TMEM53: variants seen among roughly 807,000 people sequenced by gnomAD.
TMEM53 encodes the protein novel DUF829 domain-containing protein.
In TMEM53, 14 loss-of-function variants were observed where a neutral mutation model predicts 21.4. The observed-to-expected ratio is 0.65, with a 90% CI of 0.43 to 1.02. The LOEUF (loss-of-function observed/expected upper bound fraction) is 1.02, where lower values mean the gene tolerates loss of function less well. Among genes scored for constraint, TMEM53 ranks in the 50% least tolerant of loss-of-function variants. The probability of loss-of-function intolerance (pLI) is 0.00; values close to 1 mark genes in which losing one functional copy is unlikely to be tolerated. For synonymous variants in TMEM53, 148 were observed against 157.4 expected (o/e 0.94, Z 0.45); for missense variants, 323 against 383.6 (o/e 0.84, Z 1.32).
chr1:44,667,523 G>C lies in TMEM53; in HGVS notation c.61+6808C>G, dbSNP rs1443569124. ...GGGTTTCACCATGTTGGCCAGGCTG[G>C]TCTCGAACTCCTGACTTCAGGTGAT... On this transcript the variant is annotated intron_variant, in intron 1 of 2. Transcript: ENST00000372237. 4.0e-5 allele frequency among the ~76,000 whole-genome samples: 6 copies of C among 151,590 alleles called. No individual in the cohort carries two copies. The East Asian group carries it at 1.2e-3, about 30-fold the overall frequency.
At chr1:44,656,485 C>T (rs1020534464) in intron 2 of TMEM53, among the ~76,000 whole-genome samples, 6 of 152,166 alleles carry the variant, frequency 3.9e-5, no homozygotes, top group African/African-American at 1.2e-4. Flanking sequence ...AGTGCCTAAG[C>T]ATCCCTCCCA....
chr1:44,673,104 C>T (rs1012029717), intron 1 of TMEM53, among the ~76,000 whole-genome samples: 1 of 152,254 alleles, frequency 6.6e-6, no homozygotes, highest in African/African-American at 2.4e-5. Context: ...GACTTCATGG[C>T]TTGCTGACGC....
intron 1 of TMEM53, among the ~76,000 whole-genome samples, chr1:44,664,408 C>T (rs1240103351): frequency 4.0e-5 from 6 of 149,892 alleles, no homozygotes; most frequent in African/African-American, 1.2e-4. Flanking sequence ...GCCGAGATCG[C>T]GCCATTGCAC....
At position 44,665,356 on chromosome 1, in the gene TMEM53, G is replaced by T. The variant is rs139245500; in HGVS notation, c.62-5061C>A. Among the ~76,000 whole-genome samples, 5 of 152,322 alleles carry T rather than the reference G, an allele frequency of 3.3e-5. No individual in the cohort carries two copies. In the East Asian group the frequency reaches 9.6e-4, roughly 29 times the overall value. On this transcript the variant is annotated intron_variant, in intron 1 of 2. Transcript: ENST00000372237. ...AAAGTCTCAAAAACATGCAATCTTT[G>T]CCGGGCGCAGTGGCACAAGCCTATA... is the stretch of plus-strand genomic sequence containing the variant.
At chr1:44,658,613 C>T (rs1471077163) in intron 2 of TMEM53, among the ~76,000 whole-genome samples, 1 of 152,068 alleles carries the variant, frequency 6.6e-6, no homozygotes, top group Admixed American at 6.6e-5. Flanking sequence ...TGCAGTGGTG[C>T]GACTTCGGCT....
At chr1:44,670,287 A>G (rs913430204) in intron 1 of TMEM53, among the ~76,000 whole-genome samples, 3 of 151,884 alleles carry the variant, frequency 2.0e-5, no homozygotes, top group African/African-American at 7.2e-5. Flanking sequence ...TCAGGTTTTC[A>G]TCTAATTCTC....
At chr1:44,667,932 C>A (rs1644963454) in intron 1 of TMEM53, among the ~76,000 whole-genome samples, 1 of 152,066 alleles carries the variant, frequency 6.6e-6, no homozygotes, top group South Asian at 2.1e-4. Context: ...AATTTCTCAA[C>A]AAATAACACT....
At chr1:44,669,240 C>A (rs1644977416) in intron 1 of TMEM53, among the ~76,000 whole-genome samples, 1 of 151,948 alleles carries the variant, frequency 6.6e-6, no homozygotes, top group Non-Finnish European at 1.5e-5. Flanking sequence ...AACATTTTTC[C>A]CTGTCAGTTT....
chr1:44,659,089 G>GTTT (rs1644875966), intron 2 of TMEM53, among the ~76,000 whole-genome samples: 1 of 152,188 alleles, frequency 6.6e-6, no homozygotes, highest in South Asian at 2.1e-4. Flanking sequence ...GAGGCTGTCT[G>GTTT]TAAAAAGCAA....
In TMEM53 at chr1:44,655,234, C is replaced by T. The variant is rs1211060837; in HGVS notation, c.184-25G>A. 8 of 1,566,508 alleles carry T rather than the reference C, an allele frequency of 5.1e-6. No homozygotes were observed. Among genetic ancestry groups the T allele is most frequent in the Non-Finnish European group, 6.9e-6 (8 of 1,155,906 alleles). On this transcript the variant is annotated intron_variant, in intron 2 of 2. Transcript: ENST00000372237. This position sits in a 1 kb window ranked among gnomAD's most constrained non-coding sequence, Gnocchi z 4.4. ...CCTGGGGAGAGAGGCCTGGTCAGTC[C>T]TCACAGATGAGGTGGGGGTAGTGGG...
intron 2 of TMEM53, among the ~76,000 whole-genome samples, chr1:44,658,836 G>A (rs1329281848): frequency 2.0e-5 from 3 of 152,154 alleles, no homozygotes; most frequent in Non-Finnish European, 4.4e-5. Context: ...ATAGACATGA[G>A]TCACTGCGCC....
intron 1 of TMEM53, chr1:44,674,040 G>A: frequency 1.0e-6 from 1 of 985,436 alleles, no homozygotes; most frequent in Non-Finnish European, 1.2e-6. Context: ...TATGAGAAGT[G>A]ATTAAAGGGC....
chr1:44,657,924 A>C (rs1415422627), intron 2 of TMEM53, among the ~76,000 whole-genome samples: 1 of 151,686 alleles, frequency 6.6e-6, no homozygotes, highest in Non-Finnish European at 1.5e-5. Context: ...TCCCTATTGG[A>C]AAGTCTTCCT....
chr1:44,662,236 G>T (rs1344122110), intron 1 of TMEM53, among the ~76,000 whole-genome samples: 2 of 152,204 alleles, frequency 1.3e-5, no homozygotes, highest in Non-Finnish European at 2.9e-5. Context: ...GCACCGGTGG[G>T]GGTCCCAGGC....
rs1011007611 is a variant in TMEM53 at position 44,659,215 on chromosome 1, C to T, written c.183+959G>A. ...ACACCTCAGTCAGGCGGGATGTGGA[C>T]GTGGGTGAGTGGAGGGATGCTGAGG... On this transcript the variant is annotated intron_variant, in intron 2 of 2. Transcript: ENST00000372237. Among the ~76,000 whole-genome samples the T allele has an allele frequency of 5.3e-5, 8 of 152,148 alleles. No individual in the cohort carries two copies. The South Asian group carries it at 8.3e-4, about 16-fold the overall frequency.
rs1247139278 is a variant in TMEM53, at chr1:44,653,689, C to T, written c.*870G>A. 1 of 152,290 alleles carries T rather than the reference C, an allele frequency of 6.6e-6. No individual in the cohort carries two copies. Among genetic ancestry groups the T allele is most frequent in the East Asian group, 1.9e-4 (1 of 5,204 alleles). 9.4% of individuals were successfully genotyped at this position (152,290 alleles called of 1,614,324 possible). A position where few individuals can be genotyped will look rare whatever the true frequency, so the allele number is the denominator to read the frequency against. On this transcript the variant is annotated 3_prime_UTR_variant, in exon 3 of 3. Coordinates refer to ENST00000372237, the MANE Select transcript of TMEM53 (RefSeq NM_024587.4). ...CCAAGTGGGAGCCATGTGAATGGTACTTTACACTGTAGGGCTTCGCCCTGC... is the reference window on the plus strand; with the variant it reads ...CCAAGTGGGAGCCATGTGAATGGTATTTTACACTGTAGGGCTTCGCCCTGC...
chr1:44,659,593 T>C (rs1042409943), intron 2 of TMEM53, among the ~76,000 whole-genome samples: 1 of 152,026 alleles, frequency 6.6e-6, no homozygotes, highest in African/African-American at 2.4e-5. Flanking sequence ...AAGGAGGAGG[T>C]CCTGGGAGTA....
At chr1:44,671,159 T>C (rs1016534339) in intron 1 of TMEM53, among the ~76,000 whole-genome samples, 6 of 152,144 alleles carry the variant, frequency 3.9e-5, no homozygotes, top group Non-Finnish European at 2.9e-5. Context: ...AGAGAGGGTA[T>C]TGAGAGACTG....
At chr1:44,657,682 C>T (rs1317431872) in intron 2 of TMEM53, among the ~76,000 whole-genome samples, 1 of 152,076 alleles carries the variant, frequency 6.6e-6, no homozygotes, top group East Asian at 1.9e-4. Context: ...AGACTACAGA[C>T]ACGCACCACC....
Sources: gnomAD v4.1 joint callset for allele counts (sites outside exome capture counted in the v4.1 genomes callset) on GRCh38, gnomAD v4.1.1 for gene constraint, Gnocchi (gnomAD v3.1) non-coding constraint, MANE v1.5 for transcripts, NCBI Gene and HGNC (gene_info 2026-07-23, HGNC 2026-07-21) for gene names.